ITGA8: variants seen among roughly 807,000 people sequenced by gnomAD.
ITGA8 encodes the protein integrin alpha-8.
Under a neutral mutation model 142.3 loss-of-function variants are expected in ITGA8, and 91 were observed. The observed-to-expected ratio is 0.64, with a 90% CI of 0.54 to 0.76. The LOEUF (loss-of-function observed/expected upper bound fraction) is 0.76. ITGA8 is among the 30% of genes least tolerant of loss of function. The pLI, the probability that ITGA8 is intolerant of heterozygous loss-of-function variation, is 0.00. For synonymous variants in ITGA8, 505 were observed against 485.2 expected (o/e 1.04, Z -0.54); for missense variants, 1,406 against 1,327.7 (o/e 1.06, Z -0.92).
chr10:15,598,510 T>C (rs1208106910), intron 20 of ITGA8, among the ~76,000 whole-genome samples: 1 of 152,192 alleles, frequency 6.6e-6, no homozygotes, highest in Non-Finnish European at 1.5e-5. Context: ...TAAAGAATTC[T>C]GTAGGTAAAC....
chr10:15,697,719 G>A (rs1835083671), intron 2 of ITGA8, among the ~76,000 whole-genome samples: 1 of 152,018 alleles, frequency 6.6e-6, no homozygotes, highest in African/African-American at 2.4e-5. Context: ...TAACTTTTAT[G>A]TGTCATGAAA....
chr10:15,608,562 T>C (rs1833240218), intron 15 of ITGA8, among the ~76,000 whole-genome samples: 1 of 152,156 alleles, frequency 6.6e-6, no homozygotes, highest in Admixed American at 6.6e-5. Context: ...ATTAGTCAAT[T>C]ACTTGTTGCT....
Position 15,671,664 on chromosome 10 carries a change from G to A in ITGA8, c.803-17C>T, listed in dbSNP as rs185811674. 3 of 1,603,736 alleles carry A rather than the reference G, an allele frequency of 1.9e-6. No homozygotes were observed. The highest frequency in any genetic ancestry group is 1.3e-5 in the African/African-American group (1 of 74,846). On this transcript the variant is annotated splice_polypyrimidine_tract_variant and intron_variant, in intron 7 of 29. Coordinates refer to ENST00000378076, the MANE Select transcript of ITGA8 (RefSeq NM_003638.3). ...CTGAGTATCCTGTTTTAAAGAAAAA[G>A]AAACAAACTAATCACACTTAATGAC...
chr10:15,581,328 C>T (rs935169637), intron 23 of ITGA8, among the ~76,000 whole-genome samples: 1 of 152,200 alleles, frequency 6.6e-6, no homozygotes, highest in South Asian at 2.1e-4. Flanking sequence ...TATCACATGT[C>T]AATAGCAGAA....
At chr10:15,590,828 T>A (rs1438876127) in intron 22 of ITGA8, among the ~76,000 whole-genome samples, 1 of 152,184 alleles carries the variant, frequency 6.6e-6, no homozygotes, top group Non-Finnish European at 1.5e-5. Flanking sequence ...TATCCAGATT[T>A]TAAGAACCTA....
At chr10:15,587,849 C>T (rs1043542404) in intron 22 of ITGA8, among the ~76,000 whole-genome samples, 1 of 152,130 alleles carries the variant, frequency 6.6e-6, no homozygotes, top group Non-Finnish European at 1.5e-5. Context: ...GCATGGGTTT[C>T]AAAATGTGTG....
intron 13 of ITGA8, among the ~76,000 whole-genome samples, chr10:15,639,669 C>G (rs1305935848): frequency 6.6e-6 from 1 of 152,202 alleles, no homozygotes; most frequent in Non-Finnish European, 1.5e-5. Context: ...TTTGCACAGT[C>G]AGCAGGGAAA....
chr10:15,532,529 T>C (rs1286657882), intron 27 of ITGA8, among the ~76,000 whole-genome samples: 1 of 151,158 alleles, frequency 6.6e-6, no homozygotes, highest in Non-Finnish European at 1.5e-5. Flanking sequence ...ACAGTGTTTT[T>C]AACAGAGCTT....
chr10:15,539,227 G>A (rs1210380463), intron 27 of ITGA8, among the ~76,000 whole-genome samples: 1 of 152,090 alleles, frequency 6.6e-6, no homozygotes, highest in Non-Finnish European at 1.5e-5. Context: ...CGAGGCAACA[G>A]AATTCTGATT....
chr10:15,517,033 GGGTCC>G lies in ITGA8; in HGVS notation c.*120_*124del. On this transcript the variant is annotated 3_prime_UTR_variant, in exon 30 of 30. Coordinates refer to ENST00000378076, the MANE Select transcript of ITGA8 (RefSeq NM_003638.3). ...CGGTGTAGATGAGGTGATGTTTCCAGGGTCCCCTCCATTTCCTGGGTCACTGTCAG... is the reference window on the plus strand; with the variant it reads ...CGGTGTAGATGAGGTGATGTTTCCAGCCTCCATTTCCTGGGTCACTGTCAG... The G allele has an allele frequency of 1.0e-5, 5 of 497,062 alleles. No individual in the cohort carries two copies. Among genetic ancestry groups the G allele is most frequent in the Non-Finnish European group, 1.3e-5 (4 of 302,050 alleles). The allele number at this position is 497,062 out of a possible 1,614,324, so 30.8% of individuals were successfully genotyped here.
chr10:15,638,176 C>T (rs1369985134), intron 13 of ITGA8, among the ~76,000 whole-genome samples: 2 of 152,110 alleles, frequency 1.3e-5, no homozygotes, highest in African/African-American at 2.4e-5. Context: ...CAGAACAGAT[C>T]GTTTGACAAT....
At chr10:15,532,997 C>T (rs899214727) in intron 27 of ITGA8, among the ~76,000 whole-genome samples, 7 of 152,134 alleles carry the variant, frequency 4.6e-5, no homozygotes, top group African/African-American at 1.7e-4. Flanking sequence ...CCGTGACGAT[C>T]ATGGTGGTGG....
chr10:15,607,284 T>C (rs987946970), intron 17 of ITGA8, among the ~76,000 whole-genome samples: 1 of 152,212 alleles, frequency 6.6e-6, no homozygotes, highest in African/African-American at 2.4e-5. Flanking sequence ...TTTGAATGCC[T>C]AAATATTTTC....
intron 4 of ITGA8, among the ~76,000 whole-genome samples, chr10:15,679,512 G>A (rs1024584393): frequency 1.3e-5 from 2 of 152,132 alleles, no homozygotes; most frequent in South Asian, 4.2e-4. Flanking sequence ...AACCCAGGAG[G>A]CGGAGGTTGC....
At chr10:15,618,829 A>C (rs1485641386) in intron 13 of ITGA8, among the ~76,000 whole-genome samples, 2 of 152,086 alleles carry the variant, frequency 1.3e-5, no homozygotes, top group African/African-American at 4.8e-5. Flanking sequence ...GTGGGACCTC[A>C]CCTTGTCATC....
At chr10:15,650,125 A>G (rs540478644) in intron 11 of ITGA8, among the ~76,000 whole-genome samples, 10 of 152,332 alleles carry the variant, frequency 6.6e-5, no homozygotes, top group African/African-American at 2.4e-4. Flanking sequence ...CAAGCCATCA[A>G]AAGACATGGA....
chr10:15,558,807 T>G (rs1833927380), intron 25 of ITGA8, among the ~76,000 whole-genome samples: 1 of 152,232 alleles, frequency 6.6e-6, no homozygotes, highest in East Asian at 1.9e-4. Context: ...TGAGTTCGTT[T>G]TGCAAATGTC....
Position 15,576,896 on chromosome 10 carries a change from A to G in ITGA8, c.2373-1302T>C, listed in dbSNP as rs9333183. 3.8e-3 allele frequency among the ~76,000 whole-genome samples: 582 copies of G among 152,298 alleles called. 7 individuals are homozygous for G. Among genetic ancestry groups the G allele is most frequent in the African/African-American group, 0.013 (552 of 41,570 alleles). On this transcript the variant is annotated intron_variant, in intron 23 of 29. Coordinates refer to ENST00000378076, the MANE Select transcript of ITGA8 (RefSeq NM_003638.3). Reference sequence around the variant, plus strand: ...GCAATGTTAAGAAGAACAGGGCACAACTTTGCTGGGCTGATACCACAGACA... The same window carrying G: ...GCAATGTTAAGAAGAACAGGGCACAGCTTTGCTGGGCTGATACCACAGACA...
At chr10:15,698,490 G>GTT (rs1835098692) in intron 2 of ITGA8, among the ~76,000 whole-genome samples, 1 of 152,154 alleles carries the variant, frequency 6.6e-6, no homozygotes, top group Admixed American at 6.5e-5. Flanking sequence ...TCTCTACACT[G>GTT]TTTTCCATAG....
Sources: allele counts gnomAD v4.1 joint callset (sites outside exome capture counted in the v4.1 genomes callset), GRCh38; gene constraint gnomAD v4.1.1; transcripts MANE v1.5; gene names NCBI Gene and HGNC (gene_info 2026-07-23, HGNC 2026-07-21).